The following PLCL2 variants were observed in gnomAD, a reference collection of about 807,000 sequenced individuals.
The protein encoded by PLCL2 is phospholipase C like 2.
Under a neutral mutation model 79.6 loss-of-function variants are expected in PLCL2, and 4 were observed. The observed-to-expected ratio is 0.05, with a 90% confidence interval of 0.02 to 0.11. The LOEUF (loss-of-function observed/expected upper bound fraction) is 0.11, where lower values mean the gene tolerates loss of function less well. PLCL2 is among the 10% of genes least tolerant of loss of function. The pLI is 1.00. For synonymous variants in PLCL2, 484 were observed against 457.7 expected, an observed-to-expected ratio of 1.06 and a Z score of -0.73; for missense variants, 895 against 1,291.0, an observed-to-expected ratio of 0.69 and a Z score of 4.70.
intron 1 of PLCL2, among the ~76,000 whole-genome samples, chr3:17,007,904 A>C (rs1306694982): frequency 1.3e-5 from 2 of 152,210 alleles, no homozygotes; most frequent in East Asian, 3.8e-4. Context: ...TTATACACAT[A>C]CTGAAAGGCA....
At chr3:17,025,292 ATTC>A (rs772309368) in intron 3 of PLCL2, among the ~76,000 whole-genome samples, 3 of 152,188 alleles carry the variant, frequency 2.0e-5, no homozygotes, top group Non-Finnish European at 4.4e-5. Flanking sequence ...ATTGCCACCC[ATTC>A]TTATGTAGTT....
intron 1 of PLCL2, among the ~76,000 whole-genome samples, chr3:16,982,116 G>A (rs1257412563): frequency 1.3e-5 from 2 of 152,146 alleles, no homozygotes; most frequent in Admixed American, 6.5e-5. Flanking sequence ...CTTTATATCC[G>A]AAAACCCAGA....
chr3:16,899,144 T>G (rs1443497707), intron 1 of PLCL2, among the ~76,000 whole-genome samples: 3 of 152,266 alleles, frequency 2.0e-5, no homozygotes, highest in Non-Finnish European at 4.4e-5. Flanking sequence ...ACCATGATTC[T>G]CACTTTAGTG....
At chr3:16,957,585 G>T (rs1490141702) in intron 1 of PLCL2, among the ~76,000 whole-genome samples, 1 of 152,106 alleles carries the variant, frequency 6.6e-6, no homozygotes, top group Admixed American at 6.5e-5. Context: ...GGGTATCCTT[G>T]TTAACTTTCT....
chr3:16,907,726 AC>A (rs1179536575), intron 1 of PLCL2, among the ~76,000 whole-genome samples: 1 of 152,204 alleles, frequency 6.6e-6, no homozygotes, highest in Non-Finnish European at 1.5e-5. Context: ...CAAGTAAAGC[AC>A]AGCTTTCAAT....
At chr3:17,023,403 G>A (rs1414230494) in intron 3 of PLCL2, among the ~76,000 whole-genome samples, 2 of 152,122 alleles carry the variant, frequency 1.3e-5, no homozygotes, top group African/African-American at 2.4e-5. Context: ...GAATTCCCCC[G>A]TGTTGTGGGA....
intron 1 of PLCL2, among the ~76,000 whole-genome samples, chr3:16,953,567 G>T (rs2063672175): frequency 6.6e-6 from 1 of 152,042 alleles, no homozygotes; most frequent in Non-Finnish European, 1.5e-5. Flanking sequence ...TACTATTTTT[G>T]TGATGGTAAG....
At chr3:16,981,101 G>A (rs913102684) in intron 1 of PLCL2, among the ~76,000 whole-genome samples, 12 of 152,314 alleles carry the variant, frequency 7.9e-5, no homozygotes, top group East Asian at 1.9e-4. Flanking sequence ...GTCCAGCTTC[G>A]GCTCGGCATC....
At chr3:17,035,677 G>C (rs2124913899) in intron 3 of PLCL2, 5 of 436,120 alleles carry the variant, frequency 1.1e-5, no homozygotes, top group South Asian at 7.0e-5. Flanking sequence ...ATTGTCAAGG[G>C]TTTGTGATTA....
chr3:17,052,262 G>T (rs113515122), intron 4 of PLCL2, among the ~76,000 whole-genome samples: 2,878 of 150,562 alleles, frequency 0.019, 97 homozygotes, highest in African/African-American at 0.066. Flanking sequence ...AATTGGGGGG[G>T]GGTGAAGGTC....
In PLCL2 at chr3:17,009,598, A is replaced by T; in HGVS notation, c.328-76A>T. ...TAGTATGATTTTTTTCTAGGAAATTAAATTTCTATTCATAATCTTGAACAT... is the reference window on the plus strand; with the variant it reads ...TAGTATGATTTTTTTCTAGGAAATTTAATTTCTATTCATAATCTTGAACAT... On this transcript the variant is annotated intron_variant, in intron 1 of 5. Coordinates refer to ENST00000615277, the MANE Select transcript of PLCL2 (RefSeq NM_001144382.2). The surrounding 1 kb of genome is among the most constrained non-coding windows in gnomAD (Gnocchi z 4.0). 1 of 748,068 alleles carries T rather than the reference A, an allele frequency of 1.3e-6. No individual in the cohort carries two copies. The highest frequency in any genetic ancestry group is 2.1e-6 in the Non-Finnish European group (1 of 478,110). The allele number at this position is 748,068 out of a possible 1,614,324, so 46.3% of individuals were successfully genotyped here. A position where few individuals can be genotyped will look rare whatever the true frequency, so the allele number is the denominator to read the frequency against.
chr3:16,963,981 A>G (rs1316175392), intron 1 of PLCL2, among the ~76,000 whole-genome samples: 1 of 152,102 alleles, frequency 6.6e-6, no homozygotes, highest in Non-Finnish European at 1.5e-5. Flanking sequence ...AAGAATGTAA[A>G]AGTTATAATA....
chr3:17,040,862 T>C (rs186687841), intron 3 of PLCL2, among the ~76,000 whole-genome samples: 209 of 152,318 alleles, frequency 1.4e-3, no homozygotes, highest in African/African-American at 4.8e-3. Flanking sequence ...TTTGTTCTCC[T>C]CCACTCCTGC....
In PLCL2 at chr3:16,945,440, A is replaced by G. The variant is rs188922557; in HGVS notation, c.327+60074A>G. The stretch of plus-strand genomic sequence containing the variant: ...TCTGCTTTGTTCCTTGTATATCCAC[A>G]GCACCTAGAACATTGCCTGGTACAT... On this transcript the variant is annotated intron_variant, in intron 1 of 5. Coordinates refer to ENST00000615277, the MANE Select transcript of PLCL2 (RefSeq NM_001144382.2). 4.4e-3 allele frequency among the ~76,000 whole-genome samples: 677 copies of G among 152,300 alleles called. 6 individuals carry two copies. Among genetic ancestry groups the G allele is most frequent in the Non-Finnish European group, 6.2e-3 (423 of 68,026 alleles).
chr3:16,937,842 G>A (rs1697577907), intron 1 of PLCL2, among the ~76,000 whole-genome samples: 1 of 152,294 alleles, frequency 6.6e-6, no homozygotes, highest in Non-Finnish European at 1.5e-5. Context: ...AGCCAAAGGA[G>A]CCACGTCATG....
At position 16,887,660 on chromosome 3, in the gene PLCL2, T is replaced by A. The variant is rs922867991; in HGVS notation, c.327+2294T>A. Reference sequence around the variant, plus strand: ...AGATTTTTGGAATGTATTGTGGTATTTTCTAAAGATAACTTCCAGCATCAG... The same window carrying A: ...AGATTTTTGGAATGTATTGTGGTATATTCTAAAGATAACTTCCAGCATCAG... On this transcript the variant is annotated intron_variant, in intron 1 of 5. Transcript: ENST00000615277. This position sits in a 1 kb window ranked among gnomAD's most constrained non-coding sequence, Gnocchi z 4.1. Among the ~76,000 whole-genome samples the A allele has an allele frequency of 6.6e-6, 1 of 152,212 alleles. No homozygotes were observed. The highest frequency in any genetic ancestry group is 1.9e-4 in the East Asian group (1 of 5,198).
At chr3:16,928,549 G>C (rs1697312287) in intron 1 of PLCL2, among the ~76,000 whole-genome samples, 2 of 152,336 alleles carry the variant, frequency 1.3e-5, no homozygotes, top group South Asian at 4.1e-4. Flanking sequence ...GCCAGGCAAA[G>C]GGTGCAGTCT....
intron 5 of PLCL2, among the ~76,000 whole-genome samples, chr3:17,074,742 T>G (rs1382800762): frequency 6.6e-6 from 1 of 152,258 alleles, no homozygotes; most frequent in Non-Finnish European, 1.5e-5. Context: ...TGCACTTTGA[T>G]GTGGTGGAGA....
chr3:17,032,768 C>G (rs1484529252), intron 3 of PLCL2, among the ~76,000 whole-genome samples: 1 of 152,144 alleles, frequency 6.6e-6, no homozygotes, highest in South Asian at 2.1e-4. Context: ...GAATGTTATG[C>G]TGTATCCAAA....
Sources: gnomAD v4.1 joint callset for allele counts (sites outside exome capture counted in the v4.1 genomes callset) on GRCh38, gnomAD v4.1.1 for gene constraint, Gnocchi (gnomAD v3.1) non-coding constraint, MANE v1.5 for transcripts, NCBI Gene and HGNC (gene_info 2026-07-23, HGNC 2026-07-21) for gene names.